RCHY1: variants seen among roughly 807,000 people sequenced by gnomAD.
RCHY1 encodes the protein ring finger and CHY zinc finger domain containing 1.
In RCHY1, 21 loss-of-function variants were observed where a neutral mutation model predicts 41.6. That is an observed-to-expected ratio of 0.51 (90% CI 0.36 to 0.73). The LOEUF (loss-of-function observed/expected upper bound fraction) is 0.73. RCHY1 is among the 30% of genes least tolerant of loss of function. The pLI is 0.00. For missense variants in RCHY1, 265 were observed against 325.3 expected, an observed-to-expected ratio of 0.81 and a Z score of 1.43; for synonymous variants, 79 against 102.9, an observed-to-expected ratio of 0.77 and a Z score of 1.41.
chr4:75,501,303 C>G (rs1723734068), intron 3 of RCHY1, among the ~76,000 whole-genome samples: 1 of 152,044 alleles, frequency 6.6e-6, no homozygotes, highest in South Asian at 2.1e-4. Context: ...GCCACTGCGC[C>G]CAGCTCTTTT....
intron 3 of RCHY1, among the ~76,000 whole-genome samples, chr4:75,504,124 C>A (rs1191945364): frequency 6.6e-6 from 1 of 152,074 alleles, no homozygotes; most frequent in Non-Finnish European, 1.5e-5. Context: ...ATTAGTATTG[C>A]ATTTTGATGA....
At chr4:75,501,909 T>C (rs1723802873) in intron 3 of RCHY1, among the ~76,000 whole-genome samples, 1 of 151,946 alleles carries the variant, frequency 6.6e-6, no homozygotes, top group Admixed American at 6.6e-5. Flanking sequence ...AGAAACCCCA[T>C]CTCTACTAAA....
intron 3 of RCHY1, among the ~76,000 whole-genome samples, chr4:75,506,171 T>C (rs1158962328): frequency 1.4e-5 from 2 of 142,264 alleles, no homozygotes; most frequent in African/African-American, 5.2e-5. Context: ...ATCATATCAA[T>C]GCTAAATTGG....
Position 75,494,324 on chromosome 4 carries a change from C to G in RCHY1, c.327-145G>C, listed in dbSNP as rs1722993905. The stretch of plus-strand genomic sequence containing the variant: ...ATGGGATAAATCCCTATCTCCCCAA[C>G]ATCCCTCTCCAAATGTAAGCACTAT... On this transcript the variant is annotated intron_variant, in intron 3 of 8. Coordinates refer to ENST00000324439, the MANE Select transcript of RCHY1 (RefSeq NM_015436.4). The G allele has an allele frequency of 6.4e-6, 4 of 627,026 alleles. No homozygotes were observed. The East Asian group carries it at 1.3e-4, about 20-fold the overall frequency. The allele number at this position is 627,026 out of a possible 1,614,324, so 38.8% of individuals were successfully genotyped here. A position where few individuals can be genotyped will look rare whatever the true frequency, so the allele number is the denominator to read the frequency against.
rs1012492367 is a variant in RCHY1, at chr4:75,502,009, T to C, written c.326+6811A>G. 1.3e-4 allele frequency among the ~76,000 whole-genome samples: 19 copies of C among 151,722 alleles called. 1 individual carries two copies. The East Asian group carries it at 3.7e-3, about 30-fold the overall frequency. ...AGGACTTGAACCCAGGAGGCAGAGGTTGCGGTGAGCCAAGACAGTGCCATT... is the reference window on the plus strand; with the variant it reads ...AGGACTTGAACCCAGGAGGCAGAGGCTGCGGTGAGCCAAGACAGTGCCATT... On this transcript the variant is annotated intron_variant, in intron 3 of 8. Coordinates refer to ENST00000324439, the MANE Select transcript of RCHY1 (RefSeq NM_015436.4).
rs201960445 is a variant in RCHY1 at position 75,510,331 on chromosome 4, TA to T, written c.91-1036del. Among the ~76,000 whole-genome samples the T allele has an allele frequency of 5.4e-3, 817 of 152,290 alleles. 30 individuals carry two copies. Among genetic ancestry groups the T allele is most frequent in the Admixed American group, 0.049 (755 of 15,292 alleles). On this transcript the variant is annotated intron_variant, in intron 1 of 8. Transcript: ENST00000324439. ...CTTGGAATTGTTAAATGGAAAGAAA[TA>T]AAACCTTTACTCTTTAATCTACATC... is the stretch of plus-strand genomic sequence containing the variant.
At position 75,514,279 on chromosome 4, in the gene RCHY1, G is replaced by A. The variant is rs764176162; in HGVS notation, c.8C>T (p.Ala3Val). The A allele has an allele frequency of 1.1e-5, 18 of 1,611,792 alleles. No homozygotes were observed. The highest frequency in any genetic ancestry group is 1.4e-5 in the Non-Finnish European group (17 of 1,178,380). The change falls in exon 1 of 9, where the codon GCG becomes GTG. Residue 3 changes from alanine (A) to valine (V), a missense_variant. Physicochemically the swap from Ala to Val is moderately conservative, Grantham distance 64. Transcript: ENST00000324439. MA[A>V]TAREDGASGQ... The stretch of plus-strand genomic sequence containing the variant: ...GCTGGCGCCATCTTCCCGGGCCGTC[G>A]CCGCCATCTCCTCCACCTCCCCTCA...
chr4:75,509,405 C>A (rs1724661625), intron 1 of RCHY1, 109 bp from the exon 2 acceptor site: 10 of 955,200 alleles, frequency 1.0e-5, no homozygotes, highest in Non-Finnish European at 1.6e-5. Flanking sequence ...TGAAAGATTA[C>A]AACCAATAGA....
chr4:75,482,659 CAG>C lies in RCHY1; in HGVS notation c.663_664del (p.Cys222GlnfsTer2). ...AGTGGATCGTCCATTACAGTCATTG[CAG>C]AGAATCTGAAAAGAGATTAATTCAA... On this transcript the variant is annotated frameshift_variant, in exon 9 of 9. Coordinates refer to ENST00000324439, the MANE Select transcript of RCHY1 (RefSeq NM_015436.4). LOFTEE classifies it high-confidence loss of function. 2 of 1,600,620 alleles carry C rather than the reference CAG, an allele frequency of 1.2e-6. No individual in the cohort carries two copies. The highest frequency in any genetic ancestry group is 1.7e-6 in the Non-Finnish European group (2 of 1,172,350).
chr4:75,487,809 A>AT (rs1722346101), intron 8 of RCHY1, among the ~76,000 whole-genome samples: 2 of 102,890 alleles, frequency 1.9e-5, no homozygotes, highest in African/African-American at 8.8e-5. Context: ...ATATATATTC[A>AT]TAATATATAT....
Position 75,482,526 on chromosome 4 carries a change from TGTGTA to T in RCHY1, c.*7_*11del, listed in dbSNP as rs781282918. 1 of 1,595,858 alleles carries T rather than the reference TGTGTA, an allele frequency of 6.3e-7. No homozygotes were observed. The highest frequency in any genetic ancestry group is 1.8e-5 in the Admixed American group (1 of 57,040). ...CAGAAAATGCCAAGTTCTCCAGTAC[TGTGTA>T]GGCTCGTCATTGCTGATCCAGTGAA... On this transcript the variant is annotated 3_prime_UTR_variant, in exon 9 of 9. Coordinates refer to ENST00000324439, the MANE Select transcript of RCHY1 (RefSeq NM_015436.4).
Position 75,480,245 on chromosome 4 carries a change from T to A in RCHY1, c.*2293A>T, listed in dbSNP as rs1338709870. On this transcript the variant is annotated 3_prime_UTR_variant, in exon 9 of 9. Transcript: ENST00000324439. ...TATGTACTCTGCATTATTTTGGACATGTTTGGATCCTAAGTTAAAGAAACA... is the reference window on the plus strand; with the variant it reads ...TATGTACTCTGCATTATTTTGGACAAGTTTGGATCCTAAGTTAAAGAAACA... 6.6e-6 allele frequency: 1 copy of A among 152,180 alleles called. No individual in the cohort carries two copies. Among genetic ancestry groups the A allele is most frequent in the African/African-American group, 2.4e-5 (1 of 41,440 alleles). The allele number at this position is 152,180 out of a possible 1,614,324, so 9.4% of individuals were successfully genotyped here.
At chr4:75,489,491 T>A (rs1225686040) in intron 8 of RCHY1, among the ~76,000 whole-genome samples, 2 of 152,186 alleles carry the variant, frequency 1.3e-5, no homozygotes, top group African/African-American at 4.8e-5. Flanking sequence ...AATAAGATAC[T>A]ACAGATACAA....
chr4:75,480,278 T>G lies in RCHY1; in HGVS notation c.*2260A>C, dbSNP rs1322284950. The G allele has an allele frequency of 6.6e-6, 1 of 152,198 alleles. No individual in the cohort carries two copies. Among genetic ancestry groups the G allele is most frequent in the Non-Finnish European group, 1.5e-5 (1 of 68,038 alleles). The allele number at this position is 152,198 out of a possible 1,614,324, so 9.4% of individuals were successfully genotyped here. On this transcript the variant is annotated 3_prime_UTR_variant, in exon 9 of 9. Coordinates refer to ENST00000324439, the MANE Select transcript of RCHY1 (RefSeq NM_015436.4). ...TCCTAAGTTAAAGAAACAATCAGAT[T>G]GTGAAATAAGACTTTCTAACTAGAG...
rs1724603096 is a variant in RCHY1 at position 75,509,016 on chromosome 4, C to T, written c.211-81G>A. 4.3e-6 allele frequency: 5 copies of T among 1,171,838 alleles called. No individual in the cohort carries two copies. The East Asian group carries it at 9.6e-5, about 23-fold the overall frequency. The allele number at this position is 1,171,838 out of a possible 1,614,324, so 72.6% of individuals were successfully genotyped here. ...TTGAATATCTAGAACTTATGTTCAA[C>T]TATATGCAGTTTATTTTTATAAGTT... On this transcript the variant is annotated intron_variant, in intron 2 of 8. Coordinates refer to ENST00000324439, the MANE Select transcript of RCHY1 (RefSeq NM_015436.4).
chr4:75,503,174 T>C (rs1335058751), intron 3 of RCHY1, among the ~76,000 whole-genome samples: 1 of 152,170 alleles, frequency 6.6e-6, no homozygotes, highest in Non-Finnish European at 1.5e-5. Context: ...CATTAGCATC[T>C]GCTACCCCTC....
chr4:75,496,235 A>T (rs1015144961), intron 3 of RCHY1, among the ~76,000 whole-genome samples: 2 of 152,144 alleles, frequency 1.3e-5, no homozygotes, highest in African/African-American at 4.8e-5. Flanking sequence ...AACAACACAG[A>T]GTGATCTGTG....
intron 1 of RCHY1, among the ~76,000 whole-genome samples, chr4:75,512,944 C>A (rs935590704): frequency 6.6e-6 from 1 of 150,544 alleles, no homozygotes; most frequent in East Asian, 2.0e-4. Context: ...TGTTTGACAC[C>A]TAGGGCGAAG....
intron 3 of RCHY1, among the ~76,000 whole-genome samples, chr4:75,495,528 T>C (rs1198450528): frequency 6.6e-6 from 1 of 152,036 alleles, no homozygotes; most frequent in Non-Finnish European, 1.5e-5. Flanking sequence ...AATTCTGCAT[T>C]GTACCCTCAA....
Sources: allele counts gnomAD v4.1 joint callset (sites outside exome capture counted in the v4.1 genomes callset), GRCh38; gene constraint gnomAD v4.1.1; transcripts MANE v1.5; gene names NCBI Gene and HGNC (gene_info 2026-07-23, HGNC 2026-07-21).